VWF: variants seen among roughly 807,000 people sequenced by gnomAD.
The protein encoded by VWF is von Willebrand factor.
A neutral mutation model predicts 308.6 loss-of-function variants in VWF; 176 were observed. The observed-to-expected ratio is 0.57, with a 90% CI of 0.50 to 0.65. The LOEUF is 0.65. VWF is among the 30% of genes least tolerant of loss of function. VWF has a pLI of 0.00. For missense variants in VWF, 3,146 were observed against 3,648.2 expected (o/e 0.86, Z 3.55); for synonymous variants, 1,385 against 1,443.4 (o/e 0.96, Z 0.92).
chr12:6,051,034 T>A (rs116611055), intron 16 of VWF, among the ~76,000 whole-genome samples: 1 of 96,614 alleles, frequency 1.0e-5, no homozygotes, highest in Non-Finnish European at 2.3e-5. Flanking sequence ...AGGTTAATAA[T>A]GGTACCTTTA....
chr12:6,099,871 C>T (rs1005841591), intron 5 of VWF, among the ~76,000 whole-genome samples: 11 of 152,240 alleles, frequency 7.2e-5, no homozygotes, highest in African/African-American at 2.2e-4. Context: ...GCAATGGCAA[C>T]GAAAGCCAAA....
rs1944623339 is a variant in VWF at position 6,058,776 on chromosome 12, G to A, written c.1534-732C>T. 1.3e-5 allele frequency among the ~76,000 whole-genome samples: 2 copies of A among 152,194 alleles called. No homozygotes were observed. Among genetic ancestry groups the A allele is most frequent in the African/African-American group, 4.8e-5 (2 of 41,460 alleles). On this transcript the variant is annotated intron_variant, in intron 13 of 51. Coordinates refer to ENST00000261405, the MANE Select transcript of VWF (RefSeq NM_000552.5). The surrounding 1 kb of genome is among the most constrained non-coding windows in gnomAD (Gnocchi z 4.9). ...TTCAAACTCCAGGCCATGAGCATGT[G>A]GTTTACTGTCCATTCTCAGAACTGA...
intron 42 of VWF, among the ~76,000 whole-genome samples, chr12:5,977,503 CCTTT>C (rs1346010884): frequency 1.3e-5 from 2 of 152,194 alleles, no homozygotes; most frequent in African/African-American, 2.4e-5. Context: ...TAATATGCTT[CCTTT>C]CTATGAGAAA....
At chr12:5,975,661 G>A (rs949687327) in intron 43 of VWF, among the ~76,000 whole-genome samples, 4 of 152,198 alleles carry the variant, frequency 2.6e-5, no homozygotes, top group Admixed American at 2.6e-4. Context: ...AGGCGAAGGT[G>A]ATACATGAGG....
chr12:6,122,521 A>T (rs1461099289), intron 2 of VWF, among the ~76,000 whole-genome samples: 6 of 152,172 alleles, frequency 3.9e-5, no homozygotes, highest in Admixed American at 2.0e-4. Flanking sequence ...AGATGCAGAG[A>T]GTGTGACAAA....
At chr12:6,076,886 C>T (rs1231240798) in intron 6 of VWF, among the ~76,000 whole-genome samples, 2 of 152,236 alleles carry the variant, frequency 1.3e-5, no homozygotes, top group Non-Finnish European at 2.9e-5. Context: ...CTGACCCCAT[C>T]TGCTCACCGT....
intron 34 of VWF, among the ~76,000 whole-genome samples, chr12:5,998,355 A>G (rs1943829671): frequency 6.7e-6 from 1 of 150,036 alleles, no homozygotes; most frequent in African/African-American, 2.4e-5. Flanking sequence ...AAAATTAGCC[A>G]GGCATGGTGG....
At position 6,056,838 on chromosome 12, in the gene VWF, G is replaced by C; in HGVS notation, c.1945+19C>G. The C allele has an allele frequency of 1.5e-6, 2 of 1,365,888 alleles. No homozygotes were observed. The highest frequency in any genetic ancestry group is 1.9e-6 in the Non-Finnish European group (2 of 1,069,714). The allele number at this position is 1,365,888 out of a possible 1,614,324, so 84.6% of individuals were successfully genotyped here. On this transcript the variant is annotated intron_variant, in intron 15 of 51. Coordinates refer to ENST00000261405, the MANE Select transcript of VWF (RefSeq NM_000552.5). ...TTTGGGGGGCGGCCCGGAGGGCTGCGGGCAGGGAGGGCACGCACCACAGCG... is the reference window on the plus strand; with the variant it reads ...TTTGGGGGGCGGCCCGGAGGGCTGCCGGCAGGGAGGGCACGCACCACAGCG...
chr12:6,121,733 C>T (rs1945433983), intron 2 of VWF, among the ~76,000 whole-genome samples: 1 of 149,992 alleles, frequency 6.7e-6, no homozygotes, highest in Non-Finnish European at 1.5e-5. Context: ...GAATTCAAGA[C>T]CAGCCTGCCC....
At chr12:6,084,102 C>A (rs935915022) in intron 6 of VWF, among the ~76,000 whole-genome samples, 6 of 152,228 alleles carry the variant, frequency 3.9e-5, no homozygotes, top group Non-Finnish European at 8.8e-5. Context: ...TCACTCACAG[C>A]TGAACCTACT....
intron 5 of VWF, among the ~76,000 whole-genome samples, chr12:6,103,454 ATGTGTATATACACATATG>A (rs1443874871): frequency 2.1e-5 from 2 of 94,052 alleles, no homozygotes; most frequent in Admixed American, 2.2e-4. Flanking sequence ...ATACACATAT[ATGTGTATATACACATATG>A]TGTGTATATA....
intron 46 of VWF, 52 bp from the exon 47 acceptor site, chr12:5,967,654 C>T (rs1344126772): frequency 1.3e-6 from 2 of 1,506,558 alleles, no homozygotes; most frequent in South Asian, 1.1e-5. Context: ...CAACCCCCCA[C>T]TCACCTCACT....
intron 3 of VWF, among the ~76,000 whole-genome samples, chr12:6,111,444 C>T (rs1945306797): frequency 1.3e-5 from 2 of 152,182 alleles, no homozygotes; most frequent in African/African-American, 4.8e-5. Context: ...GTGAACATGG[C>T]TCGCTGCAGT....
At chr12:6,033,866 C>T (rs748596214) in intron 20 of VWF, among the ~76,000 whole-genome samples, 7 of 152,214 alleles carry the variant, frequency 4.6e-5, no homozygotes, top group Non-Finnish European at 1.0e-4. Flanking sequence ...ACCAAGCTCC[C>T]GCCCCTCCTC....
At chr12:6,029,890 T>C (rs1447247749) in intron 21 of VWF, among the ~76,000 whole-genome samples, 3 of 152,162 alleles carry the variant, frequency 2.0e-5, no homozygotes, top group East Asian at 1.9e-4. Context: ...TATTCCTCTA[T>C]AAAAATAAGC....
chr12:6,105,738 T>C (rs1945235881), intron 5 of VWF, among the ~76,000 whole-genome samples: 1 of 152,064 alleles, frequency 6.6e-6, no homozygotes, highest in Admixed American at 6.6e-5. Flanking sequence ...CCTCTGGGAA[T>C]ATACTCAAAA....
intron 18 of VWF, among the ~76,000 whole-genome samples, chr12:6,043,502 A>G (rs1028660838): frequency 6.6e-5 from 10 of 152,182 alleles, no homozygotes; most frequent in African/African-American, 2.2e-4. Flanking sequence ...GGAAAACAAG[A>G]AGACAGGATG....
At position 6,109,036 on chromosome 12, in the gene VWF, G is replaced by A. The variant is rs926009868; in HGVS notation, c.532+1338C>T. On this transcript the variant is annotated intron_variant, in intron 5 of 51. Coordinates refer to ENST00000261405, the MANE Select transcript of VWF (RefSeq NM_000552.5). ...GAATTTGTAAATGTATATAGGTTCA[G>A]AAAGAGCTCAAAATGGAAGTTAGAA... is the stretch of plus-strand genomic sequence containing the variant. Among the ~76,000 whole-genome samples, 3 of 149,346 alleles carry A rather than the reference G, an allele frequency of 2.0e-5. No homozygotes were observed. The East Asian group carries it at 5.9e-4, about 29-fold the overall frequency.
chr12:6,019,666 G>A lies in VWF; in HGVS notation c.3752C>T (p.Pro1251Leu), dbSNP rs770872838. The change falls in exon 28 of 52, where the codon CCG becomes CTG. Residue 1251 changes from proline (P) to leucine (L), a missense_variant. Physicochemically the swap from Pro to Leu is moderately conservative, Grantham distance 98. Transcript: ENST00000261405. The surrounding 1 kb of genome is among the most constrained non-coding windows in gnomAD (Gnocchi z 5.8). ...CACATACAGAGTGGTGGGGCTCACC[G>A]GGGCATCTGTGGGAGGCACCACCAG... ...GGLVVPPTDA[P>L]VSPTTLYVED... The A allele has an allele frequency of 2.3e-5, 37 of 1,613,698 alleles. No homozygotes were observed. Among genetic ancestry groups the A allele is most frequent in the Middle Eastern group, 1.6e-4 (1 of 6,074 alleles).
Sources: allele counts gnomAD v4.1 joint callset (sites outside exome capture counted in the v4.1 genomes callset), GRCh38; gene constraint gnomAD v4.1.1; non-coding constraint Gnocchi (gnomAD v3.1); transcripts MANE v1.5; gene names NCBI Gene and HGNC (gene_info 2026-07-23, HGNC 2026-07-21).